CFAP299: variants seen among roughly 807,000 people sequenced by gnomAD.
The protein encoded by CFAP299 is cilia- and flagella-associated protein 299.
CFAP299 carries 21 observed loss-of-function variants against 27.0 expected under a neutral mutation model. The observed-to-expected ratio is 0.78, with a 90% CI of 0.55 to 1.12. The LOEUF (loss-of-function observed/expected upper bound fraction) is 1.12. CFAP299 is among the 50% of genes most tolerant of loss of function. The probability of loss-of-function intolerance (pLI) is 0.00; values close to 1 mark genes in which losing one functional copy is unlikely to be tolerated. For synonymous variants in CFAP299, 104 were observed against 98.1 expected, an observed-to-expected ratio of 1.06 and a Z score of -0.36; for missense variants, 310 against 276.6, an observed-to-expected ratio of 1.12 and a Z score of -0.86.
At chr4:80,924,823 ACT>A (rs982644053) in intron 4 of CFAP299, among the ~76,000 whole-genome samples, 23 of 151,630 alleles carry the variant, frequency 1.5e-4, no homozygotes, top group African/African-American at 4.8e-4. Flanking sequence ...ATTTTATTTT[ACT>A]CACATTTCTT....
At chr4:80,816,384 C>T (rs1729421815) in intron 3 of CFAP299, among the ~76,000 whole-genome samples, 1 of 151,730 alleles carries the variant, frequency 6.6e-6, no homozygotes. Context: ...AAAATAAATC[C>T]CTTTAATATA....
chr4:80,591,442 G>A (rs1243754484), intron 3 of CFAP299, among the ~76,000 whole-genome samples: 3 of 152,072 alleles, frequency 2.0e-5, no homozygotes, highest in Non-Finnish European at 4.4e-5. Context: ...TGTTTACAAA[G>A]AAACAAACAA....
intron 3 of CFAP299, among the ~76,000 whole-genome samples, chr4:80,801,998 T>A (rs1229132836): frequency 7.9e-5 from 12 of 152,048 alleles, no homozygotes; most frequent in Admixed American, 6.6e-4. Flanking sequence ...AAAAAGCCAT[T>A]TTCTGTTGAA....
chr4:80,375,694 T>C (rs1372178958), intron 2 of CFAP299, among the ~76,000 whole-genome samples: 1 of 152,226 alleles, frequency 6.6e-6, no homozygotes, highest in Non-Finnish European at 1.5e-5. Flanking sequence ...TTAATGCCCA[T>C]GGGCAAAGTC....
At chr4:80,683,975 T>G (rs1720010215) in intron 3 of CFAP299, among the ~76,000 whole-genome samples, 1 of 152,206 alleles carries the variant, frequency 6.6e-6, no homozygotes, top group South Asian at 2.1e-4. Context: ...ATAATTCCAT[T>G]TCTAAAACTT....
chr4:80,889,011 C>CAAAAAAAAAAA (rs35328435), intron 4 of CFAP299, among the ~76,000 whole-genome samples: 2 of 52,710 alleles, frequency 3.8e-5, no homozygotes, highest in African/African-American at 1.4e-4. Flanking sequence ...AGTGCCTAAG[C>CAAAAAAAAAAA]AAAAAAAAAA....
intron 3 of CFAP299, among the ~76,000 whole-genome samples, chr4:80,688,078 G>A (rs982430977): frequency 2.0e-5 from 3 of 152,222 alleles, no homozygotes; most frequent in Non-Finnish European, 2.9e-5. Context: ...ACAGCAGTCT[G>A]AGATCAAACT....
At chr4:80,910,069 A>G (rs1347369255) in intron 4 of CFAP299, among the ~76,000 whole-genome samples, 1 of 152,178 alleles carries the variant, frequency 6.6e-6, no homozygotes, top group Non-Finnish European at 1.5e-5. Flanking sequence ...GATTCCAAAA[A>G]GTCCTGTTAG....
At chr4:80,413,142 A>G (rs989199080) in intron 2 of CFAP299, among the ~76,000 whole-genome samples, 1 of 152,130 alleles carries the variant, frequency 6.6e-6, no homozygotes, top group African/African-American at 2.4e-5. Flanking sequence ...CATGAAAAGT[A>G]TGGGTGAAAG....
At chr4:80,924,538 G>GTGTATATATATATATATATATATA (rs5859742) in intron 4 of CFAP299, among the ~76,000 whole-genome samples, 1 of 131,670 alleles carries the variant, frequency 7.6e-6, no homozygotes, top group African/African-American at 3.1e-5. Context: ...GTGTGTGTGT[G>GTGTATATATATATATATATATATA]TATATATATA....
chr4:80,343,194 C>G (rs977765505), intron 1 of CFAP299, among the ~76,000 whole-genome samples: 2 of 152,160 alleles, frequency 1.3e-5, no homozygotes, highest in Non-Finnish European at 2.9e-5. Context: ...TAGAGACCTA[C>G]AAAGAGACTT....
chr4:80,798,848 T>C lies in CFAP299; in HGVS notation c.334-71145T>C, dbSNP rs148168319. On this transcript the variant is annotated intron_variant, in intron 3 of 5. Coordinates refer to ENST00000358105, the MANE Select transcript of CFAP299 (RefSeq NM_152770.3). ...CCTCTCACGAGCAGTGAATCAGAAA[T>C]GTCAAATGCATTTATTTTGCATAAC... Among the ~76,000 whole-genome samples, 383 of 151,934 alleles carry C rather than the reference T, an allele frequency of 2.5e-3. 1 individual carries two copies. The highest frequency in any genetic ancestry group is 8.7e-3 in the African/African-American group (363 of 41,486).
intron 2 of CFAP299, among the ~76,000 whole-genome samples, chr4:80,581,303 CG>C (rs912534729): frequency 6.6e-6 from 1 of 151,014 alleles, no homozygotes; most frequent in African/African-American, 2.4e-5. Context: ...TAGTACATAT[CG>C]TAACATGGAA....
chr4:80,621,612 C>G (rs1738610139), intron 3 of CFAP299, among the ~76,000 whole-genome samples: 1 of 152,040 alleles, frequency 6.6e-6, no homozygotes. Context: ...ATGCCAAGCA[C>G]TATTCCAGAT....
intron 3 of CFAP299, among the ~76,000 whole-genome samples, chr4:80,696,092 A>T (rs925247898): frequency 7.2e-5 from 11 of 152,092 alleles, no homozygotes; most frequent in African/African-American, 2.7e-4. Context: ...ATGAGGTCAG[A>T]CATTTGAGAC....
intron 3 of CFAP299, among the ~76,000 whole-genome samples, chr4:80,730,770 T>G (rs1723474780): frequency 6.6e-6 from 1 of 152,214 alleles, no homozygotes; most frequent in Non-Finnish European, 1.5e-5. Flanking sequence ...TTTGGGGCAA[T>G]GTATAACTAA....
At chr4:80,429,802 A>G (rs1340242836) in intron 2 of CFAP299, among the ~76,000 whole-genome samples, 1 of 152,098 alleles carries the variant, frequency 6.6e-6, no homozygotes, top group Non-Finnish European at 1.5e-5. Flanking sequence ...TTCTTGAAAG[A>G]AGTTGATTTG....
At chr4:80,396,621 T>C (rs2110043241) in intron 2 of CFAP299, among the ~76,000 whole-genome samples, 1 of 152,264 alleles carries the variant, frequency 6.6e-6, no homozygotes, top group East Asian at 1.9e-4. Flanking sequence ...TTTTAAAATT[T>C]AAATTTTGAG....
chr4:80,578,777 T>C (rs1205897932), intron 2 of CFAP299, among the ~76,000 whole-genome samples: 12 of 152,202 alleles, frequency 7.9e-5, no homozygotes, highest in Non-Finnish European at 1.8e-4. Context: ...GAATTAAAGA[T>C]TGATATTCCA....
Sources: gnomAD v4.1 joint callset for allele counts (sites outside exome capture counted in the v4.1 genomes callset) on GRCh38, gnomAD v4.1.1 for gene constraint, MANE v1.5 for transcripts, NCBI Gene and HGNC (gene_info 2026-07-23, HGNC 2026-07-21) for gene names.